Variants in LRMDA observed in about 807,000 individuals in gnomAD.
LRMDA encodes leucine rich melanocyte differentiation associated.
Under a neutral mutation model 29.8 loss-of-function variants are expected in LRMDA, and 18 were observed. That is an observed-to-expected ratio of 0.60 (90% confidence interval 0.42 to 0.90). The LOEUF (loss-of-function observed/expected upper bound fraction) is 0.90. LRMDA is among the 40% of genes least tolerant of loss of function. The probability of loss-of-function intolerance (pLI) is 0.00; values close to 1 mark genes in which losing one functional copy is unlikely to be tolerated. For missense variants in LRMDA, 273 were observed against 273.9 expected, an observed-to-expected ratio of 1.00 and a Z score of 0.02; for synonymous variants, 125 against 109.4, an observed-to-expected ratio of 1.14 and a Z score of -0.89.
intron 2 of LRMDA, among the ~76,000 whole-genome samples, chr10:75,468,472 T>G (rs1469695124): frequency 6.6e-6 from 1 of 152,006 alleles, no homozygotes; most frequent in Non-Finnish European, 1.5e-5. Context: ...AGATTTGCCT[T>G]AAGAGATACC....
Position 75,823,926 on chromosome 10 carries a change from G to A in LRMDA, c.132-212082G>A, listed in dbSNP as rs373815665. 4.6e-5 allele frequency among the ~76,000 whole-genome samples: 7 copies of A among 152,130 alleles called. No individual in the cohort carries two copies. In the East Asian group the frequency reaches 9.7e-4, roughly 21 times the overall value. On this transcript the variant is annotated intron_variant, in intron 2 of 6. Coordinates refer to ENST00000611255, the MANE Select transcript of LRMDA (RefSeq NM_001305581.2). The stretch of plus-strand genomic sequence containing the variant: ...AAACCACATGGTCTCACTTATAAGT[G>A]AGAGCTAAGCAATGGGTACACATCG...
At position 75,886,238 on chromosome 10, in the gene LRMDA, A is replaced by T. The variant is rs369829114; in HGVS notation, c.132-149770A>T. On this transcript the variant is annotated intron_variant, in intron 2 of 6. Coordinates refer to ENST00000611255, the MANE Select transcript of LRMDA (RefSeq NM_001305581.2). ...ATATACATTAGGAAACTTTTACAGA[A>T]ATTGGACACTGCATGACACCCAAGC... 8.5e-5 allele frequency among the ~76,000 whole-genome samples: 13 copies of T among 152,278 alleles called. No homozygotes were observed. The South Asian group carries it at 2.3e-3, about 27-fold the overall frequency.
intron 2 of LRMDA, among the ~76,000 whole-genome samples, chr10:75,839,036 G>A (rs1844489651): frequency 1.3e-5 from 2 of 152,066 alleles, no homozygotes; most frequent in Admixed American, 1.3e-4. Context: ...CAAAGGGAAG[G>A]GGAAAAAATC....
intron 2 of LRMDA, among the ~76,000 whole-genome samples, chr10:75,566,356 G>T (rs1275058645): frequency 6.6e-6 from 1 of 152,098 alleles, no homozygotes; most frequent in African/African-American, 2.4e-5. Context: ...GTGATCTGTG[G>T]ACCAGCAGCA....
chr10:76,474,158 C>G (rs1448418639), intron 6 of LRMDA, among the ~76,000 whole-genome samples: 1 of 151,634 alleles, frequency 6.6e-6, no homozygotes, highest in Non-Finnish European at 1.5e-5. Context: ...TGGATAGTCA[C>G]TTGCAATAGA....
chr10:76,509,138 A>G (rs758486883), intron 6 of LRMDA, among the ~76,000 whole-genome samples: 3 of 152,158 alleles, frequency 2.0e-5, no homozygotes, highest in Non-Finnish European at 4.4e-5. Flanking sequence ...ATTCATAAAC[A>G]CCCACTTTGT....
chr10:76,482,194 C>T (rs1351774230), intron 6 of LRMDA, among the ~76,000 whole-genome samples: 3 of 151,850 alleles, frequency 2.0e-5, no homozygotes, highest in Non-Finnish European at 4.4e-5. Flanking sequence ...ATTAAATATG[C>T]CTTTTGGGCA....
At chr10:76,043,070 C>T (rs1458774023) in intron 3 of LRMDA, among the ~76,000 whole-genome samples, 3 of 151,760 alleles carry the variant, frequency 2.0e-5, no homozygotes, top group East Asian at 1.9e-4. Context: ...TGCAGTGAGC[C>T]GAGATCACGC....
At chr10:75,578,856 T>C (rs1840547530) in intron 2 of LRMDA, among the ~76,000 whole-genome samples, 1 of 149,770 alleles carries the variant, frequency 6.7e-6, no homozygotes, top group Admixed American at 6.6e-5. Flanking sequence ...AAAGATGTTC[T>C]TTGAAACCAA....
chr10:75,883,795 A>C (rs1845333408), intron 2 of LRMDA, among the ~76,000 whole-genome samples: 2 of 151,576 alleles, frequency 1.3e-5, no homozygotes, highest in Admixed American at 1.3e-4. Context: ...CAGAAGTAAG[A>C]GACAATAGAT....
At chr10:75,479,608 C>T (rs1844835240) in intron 2 of LRMDA, among the ~76,000 whole-genome samples, 1 of 152,030 alleles carries the variant, frequency 6.6e-6, no homozygotes, top group Non-Finnish European at 1.5e-5. Flanking sequence ...TTCATTTACT[C>T]ACTCACTTTA....
At chr10:76,178,971 C>G (rs576920607) in intron 5 of LRMDA, among the ~76,000 whole-genome samples, 19 of 152,266 alleles carry the variant, frequency 1.2e-4, no homozygotes, top group African/African-American at 4.3e-4. Context: ...CAAGAGAACC[C>G]AGCCAGAGTT....
At chr10:75,514,489 C>T (rs1845266725) in intron 2 of LRMDA, among the ~76,000 whole-genome samples, 1 of 152,018 alleles carries the variant, frequency 6.6e-6, no homozygotes, top group African/African-American at 2.4e-5. Flanking sequence ...GGAGATATGT[C>T]CCCTCCAAAT....
At chr10:76,286,476 T>C (rs1340742477) in intron 5 of LRMDA, among the ~76,000 whole-genome samples, 3 of 152,214 alleles carry the variant, frequency 2.0e-5, no homozygotes, top group African/African-American at 4.8e-5. Context: ...GAGGTACGAA[T>C]ATTTTGTCAC....
At chr10:76,254,366 A>G (rs1034490315) in intron 5 of LRMDA, among the ~76,000 whole-genome samples, 2 of 143,412 alleles carry the variant, frequency 1.4e-5, no homozygotes, top group East Asian at 4.2e-4. Context: ...ATCCTATGCT[A>G]TGCTATGCTA....
intron 6 of LRMDA, among the ~76,000 whole-genome samples, chr10:76,404,964 A>C (rs1368012627): frequency 6.6e-6 from 1 of 152,216 alleles, no homozygotes; most frequent in East Asian, 1.9e-4. Flanking sequence ...CAAGAAATGC[A>C]GGCAGCCTCT....
intron 6 of LRMDA, among the ~76,000 whole-genome samples, chr10:76,346,079 T>C (rs1841105369): frequency 6.6e-6 from 1 of 152,168 alleles, no homozygotes; most frequent in Non-Finnish European, 1.5e-5. Context: ...CCTTTTTGTG[T>C]TTAAAAGCAC....
intron 2 of LRMDA, among the ~76,000 whole-genome samples, chr10:75,638,480 G>A (rs1289830207): frequency 6.6e-6 from 1 of 152,162 alleles, no homozygotes; most frequent in East Asian, 1.9e-4. Context: ...ATGACTTCTT[G>A]GAAAATTTGT....
chr10:75,974,855 G>A (rs993759121), intron 2 of LRMDA, among the ~76,000 whole-genome samples: 1 of 152,156 alleles, frequency 6.6e-6, no homozygotes, highest in African/African-American at 2.4e-5. Context: ...AATAATTGCA[G>A]TATTATTAAC....
Sources: gnomAD v4.1 joint callset for allele counts (sites outside exome capture counted in the v4.1 genomes callset) on GRCh38, gnomAD v4.1.1 for gene constraint, MANE v1.5 for transcripts, NCBI Gene and HGNC (gene_info 2026-07-23, HGNC 2026-07-21) for gene names.